RIGI: variants seen among roughly 807,000 people sequenced by gnomAD.
RIGI encodes the protein RNA sensor RIG-I.
the RIGI span, among the ~76,000 whole-genome samples, chr9:32,503,904 C>T: frequency 6.6e-6 from 1 of 151,846 alleles, no homozygotes; most frequent in African/African-American, 2.4e-5. Flanking sequence ...TAGCCAGGCG[C>T]GGTGGCTGGT....
the RIGI span, among the ~76,000 whole-genome samples, chr9:32,516,667 T>C: frequency 6.6e-6 from 1 of 152,184 alleles, no homozygotes; most frequent in Non-Finnish European, 1.5e-5. Context: ...GGAGCTTCCA[T>C]TTGCAGGTTA....
the RIGI span, chr9:32,487,936 TG>T: frequency 1.2e-6 from 2 of 1,613,328 alleles, no homozygotes; most frequent in Non-Finnish European, 1.7e-6. Context: ...CGTCTGACTT[TG>T]GAGATACCTG....
chr9:32,525,688 C>T, the RIGI span, among the ~76,000 whole-genome samples: 1 of 152,190 alleles, frequency 6.6e-6, no homozygotes, highest in Non-Finnish European at 1.5e-5. Context: ...TGTCCCATCC[C>T]TTGGACTGTA....
the RIGI span, among the ~76,000 whole-genome samples, chr9:32,488,422 AAGAG>A: frequency 1.3e-5 from 2 of 152,214 alleles, no homozygotes; most frequent in Non-Finnish European, 2.9e-5. Flanking sequence ...TTAAGTCACT[AAGAG>A]AGAAAAGAGT....
At chr9:32,490,359 A>G in the RIGI span, among the ~76,000 whole-genome samples, 1 of 152,226 alleles carries the variant, frequency 6.6e-6, no homozygotes, top group Non-Finnish European at 1.5e-5. Context: ...ACAGAGCGAG[A>G]GACTCAGTCT....
At chr9:32,509,428 G>A in the RIGI span, among the ~76,000 whole-genome samples, 12 of 152,338 alleles carry the variant, frequency 7.9e-5, 1 homozygote, top group African/African-American at 2.9e-4. Context: ...TTGCTGTTCT[G>A]CAGCCTCCAC....
chr9:32,495,527 G>T, the RIGI span, among the ~76,000 whole-genome samples: 1 of 124,440 alleles, frequency 8.0e-6, no homozygotes, highest in Non-Finnish European at 1.9e-5. Flanking sequence ...AGAAGCCATT[G>T]TAATGGGGGT....
the RIGI span, among the ~76,000 whole-genome samples, chr9:32,462,227 G>A: frequency 1.3e-5 from 2 of 151,984 alleles, no homozygotes; most frequent in East Asian, 1.9e-4. Flanking sequence ...GCATTTGCAG[G>A]GACTGTTGGA....
At chr9:32,491,166 A>G in the RIGI span, 5 of 975,296 alleles carry the variant, frequency 5.1e-6, no homozygotes, top group Non-Finnish European at 4.6e-6. Context: ...CTATTGTAAC[A>G]TAAATTCTCT....
At chr9:32,467,370 A>T in the RIGI span, among the ~76,000 whole-genome samples, 2 of 151,604 alleles carry the variant, frequency 1.3e-5, no homozygotes, top group African/African-American at 4.9e-5. Context: ...AAAAAGGAGG[A>T]AAGAATAGTT....
chr9:32,506,194 G>C, the RIGI span, among the ~76,000 whole-genome samples: 11 of 152,176 alleles, frequency 7.2e-5, no homozygotes. Context: ...CTCCAGCATA[G>C]GCAACAGAGT....
At chr9:32,481,304 G>A in the RIGI span, 5 of 1,598,200 alleles carry the variant, frequency 3.1e-6, no homozygotes, top group Non-Finnish European at 4.3e-6. Flanking sequence ...AGTAGGTGCT[G>A]TGACCAGAAT....
the RIGI span, among the ~76,000 whole-genome samples, chr9:32,473,900 C>A: frequency 6.6e-6 from 1 of 152,130 alleles, no homozygotes; most frequent in Non-Finnish European, 1.5e-5. Flanking sequence ...TGGTGGCACA[C>A]ACCTGTAGTC....
the RIGI span, among the ~76,000 whole-genome samples, chr9:32,460,025 G>T: frequency 1.3e-5 from 2 of 152,184 alleles, no homozygotes; most frequent in Admixed American, 6.5e-5. Flanking sequence ...GAGGGACCCA[G>T]GGGGAGGTAA....
the RIGI span, chr9:32,485,369 A>G: frequency 1.1e-5 from 10 of 913,030 alleles, no homozygotes; most frequent in Middle Eastern, 4.4e-4. Context: ...GTATCTCTAA[A>G]ACCTTTCTCT....
At chr9:32,474,788 T>C in the RIGI span, among the ~76,000 whole-genome samples, 1 of 152,304 alleles carries the variant, frequency 6.6e-6, no homozygotes, top group South Asian at 2.1e-4. Context: ...AGATAATAGA[T>C]GTTTGTTGTT....
At chr9:32,458,947 T>C in the RIGI span, among the ~76,000 whole-genome samples, 1 of 147,932 alleles carries the variant, frequency 6.8e-6, no homozygotes, top group Non-Finnish European at 1.5e-5. Flanking sequence ...TGGAGCGCAG[T>C]GGCGCGATAT....
the RIGI span, among the ~76,000 whole-genome samples, chr9:32,522,257 T>C: frequency 6.6e-6 from 1 of 152,222 alleles, no homozygotes; most frequent in African/African-American, 2.4e-5. Flanking sequence ...TTTTAAGCTC[T>C]TCATAACCTT....
chr9:32,521,941 T>C, the RIGI span, among the ~76,000 whole-genome samples: 1 of 152,330 alleles, frequency 6.6e-6, no homozygotes, highest in Non-Finnish European at 1.5e-5. Context: ...TTTCAAAAAG[T>C]GACTTATAAT....
Sources: allele counts gnomAD v4.1 joint callset (sites outside exome capture counted in the v4.1 genomes callset), GRCh38; gene constraint gnomAD v4.1.1; transcripts MANE v1.5; gene names NCBI Gene and HGNC (gene_info 2026-07-23, HGNC 2026-07-21).